Variants in EXOC4 observed in about 807,000 individuals in gnomAD.
EXOC4 encodes the protein exocyst complex component 4, also known as SEC8-like 1.
EXOC4 carries 71 observed loss-of-function variants against 107.2 expected under a neutral mutation model. The observed-to-expected ratio is 0.66, with a 90% CI of 0.55 to 0.81. EXOC4 has a LOEUF of 0.81. Ranked by LOEUF, EXOC4 falls within the 30% of genes least tolerant of loss-of-function variation. The pLI, the probability that EXOC4 is intolerant of heterozygous loss-of-function variation, is 0.00. For missense variants in EXOC4, 1,108 were observed against 1,189.6 expected, an observed-to-expected ratio of 0.93 and a Z score of 1.01; for synonymous variants, 456 against 441.2, an observed-to-expected ratio of 1.03 and a Z score of -0.42.
chr7:134,096,935 C>G, the EXOC4 span, among the ~76,000 whole-genome samples: 3 of 151,940 alleles, frequency 2.0e-5, no homozygotes, highest in African/African-American at 7.3e-5. Flanking sequence ...AGTTGACACT[C>G]AATATTAACC....
intron 6 of EXOC4, among the ~76,000 whole-genome samples, chr7:133,364,522 C>T (rs1360396736): frequency 2.0e-5 from 3 of 152,106 alleles, no homozygotes; most frequent in South Asian, 2.1e-4. Context: ...CAGCACTACT[C>T]ACAGTGGGTC....
chr7:133,766,423 A>G (rs1796139889), intron 10 of EXOC4, among the ~76,000 whole-genome samples: 1 of 152,042 alleles, frequency 6.6e-6, no homozygotes, highest in African/African-American at 2.4e-5. Context: ...CTTCAATTTA[A>G]TATGCTTCCT....
intron 1 of EXOC4, among the ~76,000 whole-genome samples, chr7:133,258,477 G>A (rs567615381): frequency 3.9e-5 from 6 of 152,230 alleles, no homozygotes; most frequent in Non-Finnish European, 7.4e-5. Flanking sequence ...TAAAACCACC[G>A]CGTCTTAGTT....
At chr7:134,064,262 G>A in intron 17 of EXOC4, 29 bp from the exon 18 acceptor site, 1 of 1,386,886 alleles carries the variant, frequency 7.2e-7, no homozygotes, top group Admixed American at 2.7e-5. Context: ...TGGGGAGCCA[G>A]TGAGCAGTGT....
intron 10 of EXOC4, among the ~76,000 whole-genome samples, chr7:133,665,581 G>A (rs563530813): frequency 1.3e-5 from 2 of 152,212 alleles, no homozygotes; most frequent in Admixed American, 1.3e-4. Context: ...AATCTATTCA[G>A]AATGTCACTG....
chr7:133,258,075 T>C (rs1795058450), intron 1 of EXOC4, among the ~76,000 whole-genome samples: 1 of 152,158 alleles, frequency 6.6e-6, no homozygotes, highest in Non-Finnish European at 1.5e-5. Flanking sequence ...CATAATGGTG[T>C]TTGGTTTCTA....
At chr7:133,468,962 T>C (rs924155174) in intron 7 of EXOC4, among the ~76,000 whole-genome samples, 1 of 152,316 alleles carries the variant, frequency 6.6e-6, no homozygotes, top group Non-Finnish European at 1.5e-5. Context: ...ATTTAAAATA[T>C]TGCCCAAGAG....
At position 133,821,045 on chromosome 7, in the gene EXOC4, C is replaced by T. The variant is rs1052107124; in HGVS notation, c.1734+3501C>T. 5.3e-5 allele frequency among the ~76,000 whole-genome samples: 8 copies of T among 152,280 alleles called. No individual in the cohort carries two copies. In the East Asian group the frequency reaches 9.6e-4, roughly 18 times the overall value. ...AGCATTTTATACCTAAAACACTGTG[C>T]AAGTGTTAGCCCAAGCTGATACAGC... is the stretch of plus-strand genomic sequence containing the variant. On this transcript the variant is annotated intron_variant, in intron 11 of 17. Coordinates refer to ENST00000253861, the MANE Select transcript of EXOC4 (RefSeq NM_021807.4).
intron 13 of EXOC4, among the ~76,000 whole-genome samples, chr7:133,921,644 G>T (rs1377400922): frequency 6.6e-6 from 1 of 151,884 alleles, no homozygotes; most frequent in Non-Finnish European, 1.5e-5. Flanking sequence ...CTTTGAATAT[G>T]ATATGCCTAG....
intron 7 of EXOC4, among the ~76,000 whole-genome samples, chr7:133,455,723 T>C (rs1798448526): frequency 6.6e-6 from 1 of 152,190 alleles, no homozygotes; most frequent in South Asian, 2.1e-4. Context: ...TAAAACTGCA[T>C]ATATAATATG....
At chr7:133,859,408 G>A (rs1306484768) in intron 11 of EXOC4, among the ~76,000 whole-genome samples, 3 of 152,160 alleles carry the variant, frequency 2.0e-5, no homozygotes, top group Admixed American at 2.0e-4. Context: ...ACTGGTTCCC[G>A]CTGGGCTTGA....
At chr7:133,904,930 C>T (rs1799534391) in intron 12 of EXOC4, among the ~76,000 whole-genome samples, 2 of 152,136 alleles carry the variant, frequency 1.3e-5, no homozygotes, top group South Asian at 4.2e-4. Flanking sequence ...CTAATTAGGG[C>T]AGTCCTAATT....
intron 5 of EXOC4, among the ~76,000 whole-genome samples, chr7:133,322,223 A>C (rs1003633544): frequency 2.0e-5 from 3 of 152,108 alleles, no homozygotes; most frequent in African/African-American, 7.2e-5. Flanking sequence ...CTTTAGTTTA[A>C]TTAGATCCCA....
intron 11 of EXOC4, among the ~76,000 whole-genome samples, chr7:133,828,638 C>G (rs1398897930): frequency 6.6e-6 from 1 of 152,138 alleles, no homozygotes; most frequent in African/African-American, 2.4e-5. Flanking sequence ...CTGCCCTACT[C>G]AAAAACTTGT....
intron 11 of EXOC4, among the ~76,000 whole-genome samples, chr7:133,836,883 A>G (rs1016542047): frequency 6.6e-6 from 1 of 152,042 alleles, no homozygotes; most frequent in African/African-American, 2.4e-5. Context: ...ACCCTGGAAT[A>G]TAATTGCCGT....
chr7:133,638,521 C>T (rs555130103), intron 10 of EXOC4, among the ~76,000 whole-genome samples: 1 of 152,256 alleles, frequency 6.6e-6, no homozygotes, highest in East Asian at 1.9e-4. Context: ...GTCGCTTCAG[C>T]ATTGACTTTC....
chr7:133,740,216 T>A (rs1795536519), intron 10 of EXOC4, among the ~76,000 whole-genome samples: 1 of 152,114 alleles, frequency 6.6e-6, no homozygotes, highest in South Asian at 2.1e-4. Flanking sequence ...AAAAATAATG[T>A]TAGAACTTGA....
At position 134,064,552 on chromosome 7, in the gene EXOC4, G is replaced by GA; in HGVS notation, c.*24_*25insA. 1 of 1,495,094 alleles carries GA rather than the reference G, an allele frequency of 6.7e-7. No individual in the cohort carries two copies. 92.6% of individuals were successfully genotyped at this position (1,495,094 alleles called of 1,614,324 possible). On this transcript the variant is annotated 3_prime_UTR_variant, in exon 18 of 18. Coordinates refer to ENST00000253861, the MANE Select transcript of EXOC4 (RefSeq NM_021807.4). The stretch of plus-strand genomic sequence containing the variant: ...AGCAGGGCGTACTGCGGTTGGTGAC[G>GA]GGGGTCCCCTCAGTCACACTCACTT...
At chr7:133,451,988 A>G (rs1798358886) in intron 7 of EXOC4, among the ~76,000 whole-genome samples, 1 of 152,170 alleles carries the variant, frequency 6.6e-6, no homozygotes, top group African/African-American at 2.4e-5. Context: ...TACCATCTTA[A>G]CCATTTTTAA....
Sources: gnomAD v4.1 joint callset for allele counts (sites outside exome capture counted in the v4.1 genomes callset) on GRCh38, gnomAD v4.1.1 for gene constraint, MANE v1.5 for transcripts, NCBI Gene and HGNC (gene_info 2026-07-23, HGNC 2026-07-21) for gene names.